GREB1: variants seen among roughly 807,000 people sequenced by gnomAD.
GREB1 encodes the protein growth regulating estrogen receptor binding 1, also known as protein GREB1.
GREB1 carries 106 observed loss-of-function variants against 200.7 expected under a neutral mutation model. The ratio of observed to expected loss-of-function variants is 0.53; its 90% CI spans 0.45 to 0.62. The LOEUF (loss-of-function observed/expected upper bound fraction) is 0.62. Ranked by LOEUF, GREB1 falls within the 20% of genes least tolerant of loss-of-function variation. The pLI, the probability that GREB1 is intolerant of heterozygous loss-of-function variation, is 0.00. For missense variants in GREB1, 2,243 were observed against 2,556.8 expected (o/e 0.88, Z 2.65); for synonymous variants, 1,132 against 1,092.4 (o/e 1.04, Z -0.72).
At position 11,492,278 on chromosome 2, in the gene GREB1, T is replaced by G. The variant is rs941326309; in HGVS notation, c.-159+9897T>G. 2.0e-5 allele frequency among the ~76,000 whole-genome samples: 3 copies of G among 152,242 alleles called. No homozygotes were observed. Among genetic ancestry groups the G allele is most frequent in the African/African-American group, 7.2e-5 (3 of 41,462 alleles). ...AGCAACCATGCCACATTTGGCTAAG[T>G]CTGAAGTTAGGACAAAAACATCCCT... On this transcript the variant is annotated intron_variant, in intron 1 of 2. Coordinates refer to the GREB1 transcript ENST00000628795. This position sits in a 1 kb window ranked among gnomAD's most constrained non-coding sequence, Gnocchi z 4.0.
chr2:11,593,314 C>T (rs1315152468), intron 11 of GREB1, among the ~76,000 whole-genome samples, 188 bp downstream of exon 11: 1 of 152,220 alleles, frequency 6.6e-6, no homozygotes, highest in African/African-American at 2.4e-5. Flanking sequence ...CAATCTCATC[C>T]CTGCTCTGAG....
chr2:11,494,419 GGT>G (rs1205680972), intron 1 of GREB1, among the ~76,000 whole-genome samples: 4 of 152,240 alleles, frequency 2.6e-5, no homozygotes, highest in Non-Finnish European at 5.9e-5. Context: ...CCCTGATGGG[GGT>G]GCCCAGTGCC....
Position 11,580,370 on chromosome 2 carries a change from G to A in GREB1, c.773-334G>A, listed in dbSNP as rs1329887133. On this transcript the variant is annotated intron_variant, in intron 6 of 32. Transcript: ENST00000381486. This position sits in a 1 kb window ranked among gnomAD's most constrained non-coding sequence, Gnocchi z 4.5. Reference sequence around the variant, plus strand: ...TAACTCAGGCTGTGTGTCCAATGGGGTGTGAGCAGGAGGGTGCATGTTCCT... The same window carrying A: ...TAACTCAGGCTGTGTGTCCAATGGGATGTGAGCAGGAGGGTGCATGTTCCT... Among the ~76,000 whole-genome samples, 1 of 152,176 alleles carries A rather than the reference G, an allele frequency of 6.6e-6. No individual in the cohort carries two copies. The highest frequency in any genetic ancestry group is 2.4e-5 in the African/African-American group (1 of 41,442).
chr2:11,527,904 A>G (rs965860375), intron 1 of GREB1, among the ~76,000 whole-genome samples: 1 of 152,180 alleles, frequency 6.6e-6, no homozygotes, highest in Non-Finnish European at 1.5e-5. Context: ...CAGATCCTCA[A>G]ACTGCTTTAA....
At chr2:11,490,320 T>C (rs889557034) in intron 1 of GREB1, among the ~76,000 whole-genome samples, 1 of 152,214 alleles carries the variant, frequency 6.6e-6, no homozygotes, top group African/African-American at 2.4e-5. Flanking sequence ...ATGTGGACTT[T>C]TGTGTCGAGC....
At chr2:11,516,547 G>A (rs1477419380) in intron 1 of GREB1, among the ~76,000 whole-genome samples, 1 of 152,144 alleles carries the variant, frequency 6.6e-6, no homozygotes, top group Non-Finnish European at 1.5e-5. Context: ...GAGCTAATAA[G>A]TGACTCTTCT....
intron 1 of GREB1, among the ~76,000 whole-genome samples, chr2:11,555,874 TA>T (rs1676384646): frequency 1.3e-5 from 2 of 152,262 alleles, no homozygotes; most frequent in South Asian, 4.1e-4. Flanking sequence ...GTATGTGAAT[TA>T]TATCTCAATT....
chr2:11,551,749 C>G (rs751303810), intron 1 of GREB1, among the ~76,000 whole-genome samples: 3 of 152,134 alleles, frequency 2.0e-5, no homozygotes, highest in African/African-American at 2.4e-5. Flanking sequence ...CGCCGCAGCC[C>G]GGGTTCGATT....
At chr2:11,505,784 G>T (rs1168200972) in intron 1 of GREB1, among the ~76,000 whole-genome samples, 2 of 151,974 alleles carry the variant, frequency 1.3e-5, no homozygotes, top group African/African-American at 4.8e-5. Context: ...GAGAACGAGG[G>T]TGCAGTGAGC....
intron 26 of GREB1, among the ~76,000 whole-genome samples, chr2:11,631,132 C>T (rs151137374): frequency 1.2e-3 from 187 of 152,314 alleles, no homozygotes; most frequent in African/African-American, 4.3e-3. Context: ...GCCTTCCTGG[C>T]GGAGCTGGCC....
chr2:11,541,473 G>C (rs1229177147), intron 1 of GREB1, among the ~76,000 whole-genome samples: 1 of 151,866 alleles, frequency 6.6e-6, no homozygotes, highest in African/African-American at 2.4e-5. Context: ...CGGAACACTT[G>C]GCATCGTGAC....
chr2:11,484,176 G>C (rs1408252638), intron 1 of GREB1, among the ~76,000 whole-genome samples: 4 of 152,140 alleles, frequency 2.6e-5, no homozygotes, highest in Non-Finnish European at 4.4e-5. Flanking sequence ...TTAAATCTCT[G>C]GGCAGATTTG....
chr2:11,582,451 G>A (rs933451349), intron 7 of GREB1, among the ~76,000 whole-genome samples: 1 of 152,202 alleles, frequency 6.6e-6, no homozygotes, highest in African/African-American at 2.4e-5. Flanking sequence ...CTGTCTCCAT[G>A]CTCTGTGCCT....
intron 17 of GREB1, among the ~76,000 whole-genome samples, chr2:11,607,122 T>C (rs1682377324): frequency 6.6e-6 from 1 of 151,716 alleles, no homozygotes; most frequent in African/African-American, 2.4e-5. Context: ...TTAGGGCCGT[T>C]GCCCAGGCTG....
chr2:11,494,369 A>T (rs536505449), intron 1 of GREB1, among the ~76,000 whole-genome samples: 1 of 152,336 alleles, frequency 6.6e-6, no homozygotes, highest in South Asian at 2.1e-4. Context: ...AATCAATAGA[A>T]ATGTTCATTC....
At chr2:11,574,290 T>G (rs911677047) in intron 4 of GREB1, among the ~76,000 whole-genome samples, 1 of 152,184 alleles carries the variant, frequency 6.6e-6, no homozygotes, top group African/African-American at 2.4e-5. Context: ...CTTAGAGGAA[T>G]AATGATGGGA....
chr2:11,486,856 G>A (rs980186402), intron 1 of GREB1, among the ~76,000 whole-genome samples: 8 of 151,682 alleles, frequency 5.3e-5, no homozygotes, highest in African/African-American at 1.7e-4. Context: ...CAACGAGATC[G>A]AAACTCCATC....
chr2:11,500,953 C>G (rs1243269477), intron 1 of GREB1, among the ~76,000 whole-genome samples: 1 of 152,142 alleles, frequency 6.6e-6, no homozygotes, highest in African/African-American at 2.4e-5. Context: ...GTTAGCAGTT[C>G]AGGAGACACC....
chr2:11,617,128 T>G (rs1683477789), intron 21 of GREB1, among the ~76,000 whole-genome samples: 1 of 152,180 alleles, frequency 6.6e-6, no homozygotes, highest in Admixed American at 6.5e-5. Flanking sequence ...GAGACTTCAC[T>G]GGGGGAAGAG....
Sources: allele counts gnomAD v4.1 joint callset (sites outside exome capture counted in the v4.1 genomes callset), GRCh38; gene constraint gnomAD v4.1.1; non-coding constraint Gnocchi (gnomAD v3.1); transcripts MANE v1.5; gene names NCBI Gene and HGNC (gene_info 2026-07-23, HGNC 2026-07-21).